POU2F2: variants seen among roughly 807,000 people sequenced by gnomAD.
POU2F2 encodes the protein POU domain, class 2, transcription factor 2.
A neutral mutation model predicts 63.5 loss-of-function variants in POU2F2; 14 were observed. The observed-to-expected ratio is 0.22, with a 90% CI of 0.15 to 0.34. The LOEUF (loss-of-function observed/expected upper bound fraction) is 0.34, where lower values mean the gene tolerates loss of function less well. Among genes scored for constraint, POU2F2 ranks in the 10% least tolerant of loss-of-function variants. The probability of loss-of-function intolerance (pLI) is 1.00; values close to 1 mark genes in which losing one functional copy is unlikely to be tolerated. For missense variants in POU2F2, 607 were observed against 815.2 expected (o/e 0.74, Z 3.11); for synonymous variants, 306 against 348.6 (o/e 0.88, Z 1.36).
chr19:42,158,746 C>T (rs2034501927), intron 2 of POU2F2, among the ~76,000 whole-genome samples: 1 of 152,172 alleles, frequency 6.6e-6, no homozygotes, highest in South Asian at 2.1e-4. Flanking sequence ...AAATCATAGA[C>T]CTAACAGTGA....
intron 5 of POU2F2, among the ~76,000 whole-genome samples, chr19:42,114,268 T>G (rs915420500): frequency 2.0e-5 from 3 of 152,142 alleles, no homozygotes; most frequent in Admixed American, 2.0e-4. Flanking sequence ...TAGGCTGCCC[T>G]GTTCTGCCTT....
At chr19:42,140,168 G>A (rs937700610) in intron 2 of POU2F2, among the ~76,000 whole-genome samples, 4 of 152,230 alleles carry the variant, frequency 2.6e-5, no homozygotes, top group Non-Finnish European at 4.4e-5. Context: ...CTGGCCCTGG[G>A]TCTTCCTCAA....
intron 5 of POU2F2, among the ~76,000 whole-genome samples, chr19:42,115,419 G>A (rs933194509): frequency 1.3e-5 from 2 of 152,164 alleles, no homozygotes; most frequent in African/African-American, 4.8e-5. Flanking sequence ...GTGGTTGGAC[G>A]GAGTGAGAGA....
intron 5 of POU2F2, among the ~76,000 whole-genome samples, chr19:42,111,971 C>A (rs114783852): frequency 1.2e-3 from 188 of 152,252 alleles, no homozygotes; most frequent in African/African-American, 4.4e-3. Context: ...GAAGTTGTGG[C>A]GATCAGGGCA....
At chr19:42,182,786 T>C (rs1191901029) in intron 1 of POU2F2, among the ~76,000 whole-genome samples, 1 of 151,362 alleles carries the variant, frequency 6.6e-6, no homozygotes, top group Non-Finnish European at 1.5e-5. Context: ...TCATCTGAAG[T>C]GGGTAGGGTC....
At position 42,152,252 on chromosome 19, in the gene POU2F2, A is replaced by G. The variant is rs2034366745; in HGVS notation, c.-9+8080T>C. ...AGATCTTCTGTGCTTAAATTCTCCT[A>G]TGAAGGCTGAGGTGACTCTCGGGGA... On this transcript the variant is annotated intron_variant, in intron 2 of 6. Coordinates refer to the POU2F2 transcript ENST00000524801. The surrounding 1 kb of genome is among the most constrained non-coding windows in gnomAD (Gnocchi z 4.1). Among the ~76,000 whole-genome samples the G allele has an allele frequency of 6.6e-6, 1 of 152,000 alleles. No homozygotes were observed. The highest frequency in any genetic ancestry group is 1.5e-5 in the Non-Finnish European group (1 of 67,974).
chr19:42,128,884 G>T (rs965584503), intron 1 of POU2F2, among the ~76,000 whole-genome samples: 1 of 151,540 alleles, frequency 6.6e-6, no homozygotes, highest in Non-Finnish European at 1.5e-5. Flanking sequence ...CCAGGCTGGA[G>T]TGCAATGGTA....
At chr19:42,142,301 C>T (rs968080656) in intron 2 of POU2F2, among the ~76,000 whole-genome samples, 1 of 152,064 alleles carries the variant, frequency 6.6e-6, no homozygotes, top group Non-Finnish European at 1.5e-5. Context: ...AGGGATTCTC[C>T]TGCCTCAGCC....
Position 42,095,330 on chromosome 19 carries a change from T to C in POU2F2, c.1153A>G (p.Met385Val). ...GCCGGCTTCCCTGGGCTGGGCAGCATGGGGGCCGCACTGCAGGGGTTGATG... is the reference window on the plus strand; with the variant it reads ...GCCGGCTTCCCTGGGCTGGGCAGCACGGGGGCCGCACTGCAGGGGTTGATG... The part of the protein sequence containing the change: ...KRINPCSAAP[M>V]LPSPGKPASY... Residue 385 changes from methionine (M) to valine (V), a missense_variant, in exon 11 of 15, where the codon ATG becomes GTG. Physicochemically the swap from Met to Val is conservative, Grantham distance 21. Around this residue, in one of 7 missense-constraint regions of POU2F2, gnomAD observed 12 missense variants for 18.4 expected, o/e 0.65. Transcript: ENST00000692977. This position sits in a 1 kb window ranked among gnomAD's most constrained non-coding sequence, Gnocchi z 7.1. 1.5e-5 allele frequency: 24 copies of C among 1,613,972 alleles called. No homozygotes were observed. The highest frequency in any genetic ancestry group is 2.0e-5 in the Non-Finnish European group (24 of 1,179,998).
chr19:42,124,642 G>T (rs1445118723), intron 1 of POU2F2, among the ~76,000 whole-genome samples: 1 of 152,146 alleles, frequency 6.6e-6, no homozygotes, highest in African/African-American at 2.4e-5. Context: ...TTTCATAATG[G>T]CCCCAAACTG....
chr19:42,121,968 G>A, intron 4 of POU2F2, 158 bp downstream of exon 4: 2 of 755,836 alleles, frequency 2.6e-6, no homozygotes, highest in Non-Finnish European at 4.5e-6. Flanking sequence ...TGAGTCACAG[G>A]CCTGGGGTGG....
chr19:42,140,562 C>A (rs1003745304), intron 2 of POU2F2, among the ~76,000 whole-genome samples: 1 of 152,198 alleles, frequency 6.6e-6, no homozygotes, highest in Admixed American at 6.5e-5. Flanking sequence ...TCCCCACCTC[C>A]TCCCCTTCCT....
chr19:42,142,283 C>T (rs1035588235), intron 2 of POU2F2, among the ~76,000 whole-genome samples: 4 of 151,760 alleles, frequency 2.6e-5, no homozygotes, highest in African/African-American at 7.3e-5. Flanking sequence ...CTCTGCCTCC[C>T]GGGTTCAAGG....
rs531175027 is a variant in POU2F2 at position 42,086,622 on chromosome 19, G to A, written c.*4635C>T. The A allele has an allele frequency of 2.0e-4, 31 of 152,318 alleles. No homozygotes were observed. Among genetic ancestry groups the A allele is most frequent in the Admixed American group, 1.2e-3 (19 of 15,292 alleles). The allele number at this position is 152,318 out of a possible 1,614,324, so 9.4% of individuals were successfully genotyped here. On this transcript the variant is annotated 3_prime_UTR_variant, in exon 15 of 15. Transcript: ENST00000692977. ...ACAAGAGGCCAGAAAGGAGTTGAAA[G>A]TTCAGGCCCCTGCTCTTCCCAAAGA...
chr19:42,136,359 T>C (rs1259263935), upstream of POU2F2, among the ~76,000 whole-genome samples: 2 of 151,802 alleles, frequency 1.3e-5, no homozygotes, highest in Non-Finnish European at 2.9e-5. Context: ...TAGTTTTGTA[T>C]TTTTAGTAGA....
chr19:42,124,683 A>C (rs1416204239), intron 1 of POU2F2, among the ~76,000 whole-genome samples: 3 of 152,260 alleles, frequency 2.0e-5, no homozygotes, highest in Non-Finnish European at 2.9e-5. Flanking sequence ...CAACAGGTGA[A>C]TGGATAAATA....
intron 2 of POU2F2, among the ~76,000 whole-genome samples, chr19:42,151,272 G>T (rs2034343865): frequency 6.6e-6 from 1 of 151,894 alleles, no homozygotes; most frequent in African/African-American, 2.4e-5. Flanking sequence ...ACTCAGGGAA[G>T]CGGGGAGGAG....
chr19:42,120,192 T>C (rs2032429928), intron 4 of POU2F2, among the ~76,000 whole-genome samples: 1 of 151,784 alleles, frequency 6.6e-6, no homozygotes. Flanking sequence ...ACTACAGGCT[T>C]GAGCCACTGC....
upstream of POU2F2, among the ~76,000 whole-genome samples, chr19:42,176,719 C>G (rs993475575): frequency 5.9e-5 from 9 of 151,304 alleles, no homozygotes; most frequent in Non-Finnish European, 1.0e-4. Context: ...CAAGCTGACC[C>G]CCCCCATCCC....
Sources: allele counts gnomAD v4.1 joint callset (sites outside exome capture counted in the v4.1 genomes callset), GRCh38; gene constraint gnomAD v4.1.1; regional missense constraint gnomAD v4.1.1; non-coding constraint Gnocchi (gnomAD v3.1); transcripts MANE v1.5; gene names NCBI Gene and HGNC (gene_info 2026-07-23, HGNC 2026-07-21).